Variants in ADCYAP1R1 observed in about 807,000 individuals in gnomAD.
ADCYAP1R1 encodes ADCYAP receptor type I, also known as pituitary adenylate cyclase-activating polypeptide type I receptor.
ADCYAP1R1 carries 44 observed loss-of-function variants against 67.6 expected under a neutral mutation model. The ratio of observed to expected loss-of-function variants is 0.65; its 90% confidence interval spans 0.51 to 0.84. The LOEUF (loss-of-function observed/expected upper bound fraction) is 0.84, where lower values mean the gene tolerates loss of function less well. Ranked by LOEUF, ADCYAP1R1 falls within the 40% of genes least tolerant of loss-of-function variation. The pLI is 0.00. For missense variants in ADCYAP1R1, 477 were observed against 587.9 expected, an observed-to-expected ratio of 0.81 and a Z score of 1.95; for synonymous variants, 222 against 219.6, an observed-to-expected ratio of 1.01 and a Z score of -0.10.
In ADCYAP1R1 at chr7:31,086,571, G is replaced by A; in HGVS notation, c.823+34G>A. ...CTGGCTGTGGCTTGGACAGGTTCAG[G>A]TCCCGTGGTCAGGTGTGTCCAGGTG... On this transcript the variant is annotated intron_variant, in intron 10 of 15. Coordinates refer to ENST00000304166, the MANE Select transcript of ADCYAP1R1 (RefSeq NM_001118.5). The surrounding 1 kb of genome is among the most constrained non-coding windows in gnomAD (Gnocchi z 5.0). 1.9e-6 allele frequency: 3 copies of A among 1,613,074 alleles called. No homozygotes were observed. Among genetic ancestry groups the A allele is most frequent in the Non-Finnish European group, 2.5e-6 (3 of 1,179,378 alleles).
intron 12 of ADCYAP1R1, among the ~76,000 whole-genome samples, chr7:31,088,045 A>G (rs979474840): frequency 6.6e-6 from 1 of 152,222 alleles, no homozygotes; most frequent in African/African-American, 2.4e-5. Flanking sequence ...ACCCTTTAAC[A>G]ATTTATTCCT....
At chr7:31,099,050 A>C (rs1239923640) in intron 13 of ADCYAP1R1, among the ~76,000 whole-genome samples, 1 of 152,190 alleles carries the variant, frequency 6.6e-6, no homozygotes, top group African/African-American at 2.4e-5. Flanking sequence ...GAAAGTGTTC[A>C]TGGCTTGTGT....
In ADCYAP1R1 at chr7:31,084,604, G is replaced by A; in HGVS notation, c.439-133G>A. The A allele has an allele frequency of 1.6e-5, 12 of 762,090 alleles. No individual in the cohort carries two copies. In the South Asian group the frequency reaches 1.6e-4, roughly 10 times the overall value. The allele number at this position is 762,090 out of a possible 1,614,324, so 47.2% of individuals were successfully genotyped here. The stretch of plus-strand genomic sequence containing the variant: ...GTGGGAGGTGGTGGAGATGATATCA[G>A]CAGAAGAGAGGAAGGAGGAGCTAGG... On this transcript the variant is annotated intron_variant, in intron 7 of 15. Transcript: ENST00000304166.
At chr7:31,087,947 T>G (rs888213313) in intron 12 of ADCYAP1R1, among the ~76,000 whole-genome samples, 6 of 152,236 alleles carry the variant, frequency 3.9e-5, no homozygotes, top group Admixed American at 3.9e-4. Flanking sequence ...TGTGGAAATA[T>G]TTCTTTAGAA....
At chr7:31,065,273 C>A (rs1451733149) in intron 3 of ADCYAP1R1, among the ~76,000 whole-genome samples, 19 of 152,216 alleles carry the variant, frequency 1.2e-4, no homozygotes, top group Admixed American at 1.2e-3. Flanking sequence ...AGCAGGGACA[C>A]AGCTATTGCC....
At chr7:31,100,311 C>G (rs1181679346) in intron 13 of ADCYAP1R1, 2 of 1,167,090 alleles carry the variant, frequency 1.7e-6, no homozygotes, top group African/African-American at 3.0e-5. Flanking sequence ...CCAGCCTCTG[C>G]CTCCCAGCCC....
At position 31,106,705 on chromosome 7, in the gene ADCYAP1R1, C is replaced by T. The variant is rs1796664297; in HGVS notation, c.*21C>T. 9 of 1,582,378 alleles carry T rather than the reference C, an allele frequency of 5.7e-6. No individual in the cohort carries two copies. The highest frequency in any genetic ancestry group is 7.7e-6 in the Non-Finnish European group (9 of 1,164,158). On this transcript the variant is annotated 3_prime_UTR_variant, in exon 16 of 16. Transcript: ENST00000304166. ...CCTGAGCCATGCTCCCCTCCTCCTC[C>T]TCTCCTCCATCCACAGGCTGGGACC...
At chr7:31,064,771 G>T in intron 2 of ADCYAP1R1, 60 bp from the exon 3 acceptor site, 1 of 1,388,994 alleles carries the variant, frequency 7.2e-7, no homozygotes, top group Non-Finnish European at 1.0e-6. Flanking sequence ...GGCTTTGGTA[G>T]GAGAGCTTAC....
chr7:31,073,695 G>C (rs1795084138), intron 3 of ADCYAP1R1, among the ~76,000 whole-genome samples: 1 of 152,176 alleles, frequency 6.6e-6, no homozygotes, highest in African/African-American at 2.4e-5. Flanking sequence ...TAGGCTGGGA[G>C]GTGGTAACTG....
chr7:31,068,775 C>A (rs1175079881), intron 3 of ADCYAP1R1, among the ~76,000 whole-genome samples: 4 of 152,132 alleles, frequency 2.6e-5, no homozygotes, highest in African/African-American at 7.2e-5. Flanking sequence ...GCTTGCCCTG[C>A]AGGCTGAGGT....
chr7:31,070,832 C>A (rs1331416317), intron 3 of ADCYAP1R1, among the ~76,000 whole-genome samples: 1 of 152,226 alleles, frequency 6.6e-6, no homozygotes, highest in Non-Finnish European at 1.5e-5. Flanking sequence ...GAGGCCTGAG[C>A]ATCTGCATTT....
intron 3 of ADCYAP1R1, among the ~76,000 whole-genome samples, chr7:31,077,411 G>A (rs111069885): frequency 6.7e-5 from 4 of 59,570 alleles, no homozygotes; most frequent in Admixed American, 1.3e-4. Flanking sequence ...TGTGGTGTGT[G>A]TGTGATGTGT....
In ADCYAP1R1 at chr7:31,071,932, C is replaced by T. The variant is rs991005791; in HGVS notation, c.158-6059C>T. On this transcript the variant is annotated intron_variant, in intron 3 of 15. Transcript: ENST00000304166. The stretch of plus-strand genomic sequence containing the variant: ...AATTCCCCCAACATCTGGTTCTCAC[C>T]TGGCCCTTTCCACTGTGGTAAATGA... Among the ~76,000 whole-genome samples the T allele has an allele frequency of 2.0e-5, 3 of 152,064 alleles. No homozygotes were observed. The East Asian group carries it at 5.8e-4, about 29-fold the overall frequency.
intron 12 of ADCYAP1R1, among the ~76,000 whole-genome samples, chr7:31,091,711 A>G (rs1425807095): frequency 6.6e-6 from 1 of 152,176 alleles, no homozygotes; most frequent in Admixed American, 6.5e-5. Context: ...TCAGACACTG[A>G]TCAAACTGGG....
chr7:31,103,465 G>A (rs1796515121), intron 14 of ADCYAP1R1, 99 bp downstream of exon 14: 3 of 1,546,364 alleles, frequency 1.9e-6, no homozygotes, highest in Non-Finnish European at 2.6e-6. Flanking sequence ...TGACTGTAAA[G>A]TGAGTGCTAG....
At chr7:31,084,354 T>C in intron 7 of ADCYAP1R1, 104 bp downstream of exon 7, 2 of 878,482 alleles carry the variant, frequency 2.3e-6, no homozygotes, top group Non-Finnish European at 3.7e-6. Context: ...GAGAAGCAAC[T>C]GGGATGCTGC....
At chr7:31,104,807 C>G in intron 14 of ADCYAP1R1, 61 bp from the exon 15 acceptor site, 2 of 1,581,680 alleles carry the variant, frequency 1.3e-6, no homozygotes, top group Non-Finnish European at 1.7e-6. Context: ...CCTCCATGCC[C>G]CACACAGCAT....
intron 14 of ADCYAP1R1, among the ~76,000 whole-genome samples, chr7:31,103,684 G>A (rs1031626782): frequency 1.3e-5 from 2 of 152,202 alleles, no homozygotes; most frequent in Non-Finnish European, 2.9e-5. Flanking sequence ...TCCACATCCT[G>A]CCTTCAGCTT....
At chr7:31,092,421 T>C (rs1795995720) in intron 12 of ADCYAP1R1, among the ~76,000 whole-genome samples, 1 of 152,126 alleles carries the variant, frequency 6.6e-6, no homozygotes, top group African/African-American at 2.4e-5. Context: ...ATGATGTCCT[T>C]TCCTATTTCC....
Sources: gnomAD v4.1 joint callset for allele counts (sites outside exome capture counted in the v4.1 genomes callset) on GRCh38, gnomAD v4.1.1 for gene constraint, Gnocchi (gnomAD v3.1) non-coding constraint, MANE v1.5 for transcripts, NCBI Gene and HGNC (gene_info 2026-07-23, HGNC 2026-07-21) for gene names.